Variants in H2AJ observed in about 807,000 individuals in gnomAD.
The protein encoded by H2AJ is histone H2A.J.
A neutral mutation model predicts 7.9 loss-of-function variants in H2AJ; 3 were observed. The ratio of observed to expected loss-of-function variants is 0.38; its 90% CI spans 0.17 to 0.98. H2AJ has a LOEUF of 0.98. Ranked by LOEUF, H2AJ falls within the 50% of genes least tolerant of loss-of-function variation. H2AJ has a pLI of 0.39. For synonymous variants in H2AJ, 98 were observed against 85.7 expected, an observed-to-expected ratio of 1.14 and a Z score of -0.79; for missense variants, 128 against 174.4, an observed-to-expected ratio of 0.73 and a Z score of 1.50.
Position 14,774,685 on chromosome 12 carries a change from G to C in H2AJ, c.215G>C (p.Arg72Pro). Residue 72 changes from arginine (R) to proline (P), a missense_variant, in exon 1 of 1, where the codon CGT (arginine) becomes CCT (proline). Physicochemically the swap from Arg to Pro is moderately radical, Grantham distance 103 (BLOSUM62 -2). Coordinates refer to ENST00000544848, the MANE Select transcript of H2AJ (RefSeq NM_177925.5). ...EILELAGNAARDNKKTRIIPR... is the reference protein window; with the variant it reads ...EILELAGNAAPDNKKTRIIPR... ...CTGGAGCTGGCTGGCAACGCCGCGCGTGACAACAAGAAGACCAGGATAATT... is the reference window on the plus strand; with the variant it reads ...CTGGAGCTGGCTGGCAACGCCGCGCCTGACAACAAGAAGACCAGGATAATT... 1 of 1,614,202 alleles carries C rather than the reference G, an allele frequency of 6.2e-7. No homozygotes were observed. Among genetic ancestry groups the C allele is most frequent in the Non-Finnish European group, 8.5e-7 (1 of 1,180,042 alleles).
downstream of H2AJ, chr12:14,776,729 A>G: frequency 6.0e-6 from 1 of 167,188 alleles, no homozygotes. Context: ...CATTGTTAGA[A>G]CTACTACTCA....
Position 14,774,997 on chromosome 12 carries a change from C to G in H2AJ, c.*137C>G, listed in dbSNP as rs1430383624. 3 of 996,204 alleles carry G rather than the reference C, an allele frequency of 3.0e-6. No individual in the cohort carries two copies. Among genetic ancestry groups the G allele is most frequent in the Non-Finnish European group, 1.5e-6 (1 of 680,052 alleles). 61.7% of individuals were successfully genotyped at this position (996,204 alleles called of 1,614,324 possible). A position where few individuals can be genotyped will look rare whatever the true frequency, so the allele number is the denominator to read the frequency against. Reference sequence around the variant, plus strand: ...GGGAGGTGGGCGGCGAGGGTCCCGGCGGGAGCCAATAAAGTTGGTGAAAAT... The same window carrying G: ...GGGAGGTGGGCGGCGAGGGTCCCGGGGGGAGCCAATAAAGTTGGTGAAAAT... On this transcript the variant is annotated 3_prime_UTR_variant, in exon 1 of 1. Coordinates refer to ENST00000544848, the MANE Select transcript of H2AJ (RefSeq NM_177925.5).
chr12:14,776,254 G>C (rs916848929), downstream of H2AJ: 5 of 167,076 alleles, frequency 3.0e-5, no homozygotes, highest in Admixed American at 1.3e-4. Flanking sequence ...GCCAGGCTCT[G>C]TACAAAGTGA....
At position 14,774,985 on chromosome 12, in the gene H2AJ, C is replaced by A; in HGVS notation, c.*125C>A. ...TGACATCTAGCGGGGAGGTGGGCGG[C>A]GAGGGTCCCGGCGGGAGCCAATAAA... On this transcript the variant is annotated 3_prime_UTR_variant, in exon 1 of 1. Transcript: ENST00000544848. The A allele has an allele frequency of 8.8e-7, 1 of 1,139,836 alleles. No individual in the cohort carries two copies. The highest frequency in any genetic ancestry group is 1.2e-6 in the Non-Finnish European group (1 of 807,534). The allele number at this position is 1,139,836 out of a possible 1,614,324, so 70.6% of individuals were successfully genotyped here. A position where few individuals can be genotyped will look rare whatever the true frequency, so the allele number is the denominator to read the frequency against.
chr12:14,775,003 C>G lies in H2AJ; in HGVS notation c.*143C>G. 1 of 953,434 alleles carries G rather than the reference C, an allele frequency of 1.0e-6. No homozygotes were observed. The highest frequency in any genetic ancestry group is 2.6e-5 in the East Asian group (1 of 38,240). The allele number at this position is 953,434 out of a possible 1,614,324, so 59.1% of individuals were successfully genotyped here. On this transcript the variant is annotated 3_prime_UTR_variant, in exon 1 of 1. Transcript: ENST00000544848. ...TGGGCGGCGAGGGTCCCGGCGGGAG[C>G]CAATAAAGTTGGTGAAAATCGTTTG...
downstream of H2AJ, chr12:14,775,398 A>G (rs1452276887): frequency 6.4e-6 from 3 of 471,266 alleles, no homozygotes; most frequent in Non-Finnish European, 1.3e-5. Context: ...CATATTTTTC[A>G]AAAAGTGGAG....
At position 14,774,887 on chromosome 12, in the gene H2AJ, C is replaced by G; in HGVS notation, c.*27C>G. 6.2e-7 allele frequency: 1 copy of G among 1,605,412 alleles called. No homozygotes were observed. The highest frequency in any genetic ancestry group is 8.5e-7 in the Non-Finnish European group (1 of 1,175,740). ...CCTGACGCCGCCCTCAGGGAGCTGG[C>G]TCCCCCAGCAAAGGCCCTTTTCATG... On this transcript the variant is annotated 3_prime_UTR_variant, in exon 1 of 1. Transcript: ENST00000544848.
At position 14,774,504 on chromosome 12, in the gene H2AJ, C is replaced by T; in HGVS notation, c.34C>T (p.Arg12Ter). 4.4e-6 allele frequency: 7 copies of T among 1,592,266 alleles called. No homozygotes were observed. Among genetic ancestry groups the T allele is most frequent in the Non-Finnish European group, 6.0e-6 (7 of 1,170,288 alleles). Residue 12 changes from arginine (R) to a stop codon, truncating the protein, a stop_gained, in exon 1 of 1, where the codon CGA (arginine) becomes TGA (stop). Coordinates refer to ENST00000544848, the MANE Select transcript of H2AJ (RefSeq NM_177925.5). LOFTEE classifies it high-confidence loss of function. ...SGRGKQGGKV[R>*]AKAKSRSSRA... ...TCGCGGGAAACAGGGCGGCAAAGTGCGAGCAAAGGCCAAATCCCGCTCCTC... is the reference window on the plus strand; with the variant it reads ...TCGCGGGAAACAGGGCGGCAAAGTGTGAGCAAAGGCCAAATCCCGCTCCTC...
At chr12:14,775,565 T>C (rs1949628183), downstream of H2AJ, 1 of 380,528 alleles carries the variant, frequency 2.6e-6, no homozygotes, top group African/African-American at 2.1e-5. Context: ...AAACGTTCAA[T>C]AAGTGAGTCA....
At chr12:14,777,589 T>G (rs953519321), downstream of H2AJ, 2 of 167,076 alleles carry the variant, frequency 1.2e-5, no homozygotes, top group Admixed American at 1.3e-4. Context: ...TACCATGCTG[T>G]GTAAGAACTT....
chr12:14,776,415 T>G (rs965496754), downstream of H2AJ: 4 of 167,134 alleles, frequency 2.4e-5, no homozygotes, highest in African/African-American at 9.6e-5. Context: ...CTCTGCTGTG[T>G]GTGGATGAAT....
Position 14,775,014 on chromosome 12 carries a change from G to C in H2AJ, c.*154G>C. The C allele has an allele frequency of 3.4e-6, 3 of 887,450 alleles. No individual in the cohort carries two copies. Among genetic ancestry groups the C allele is most frequent in the Non-Finnish European group, 5.1e-6 (3 of 584,012 alleles). 55.0% of individuals were successfully genotyped at this position (887,450 alleles called of 1,614,324 possible). On this transcript the variant is annotated 3_prime_UTR_variant, in exon 1 of 1. Transcript: ENST00000544848. ...GGTCCCGGCGGGAGCCAATAAAGTT[G>C]GTGAAAATCGTTTGGTCGAGAGAGC...
At position 14,774,612 on chromosome 12, in the gene H2AJ, G is replaced by T; in HGVS notation, c.142G>T (p.Ala48Ser). The part of the protein sequence containing the change: ...GNYAERVGAG[A>S]PVYLAAVLEY... ...CTACGCGGAGCGAGTGGGCGCCGGG[G>T]CGCCGGTGTACCTGGCGGCGGTGTT... The change falls in exon 1 of 1, where the codon GCG (alanine) becomes TCG (serine). Residue 48 changes from alanine (A) to serine (S), a missense_variant. By Grantham distance (99) the Ala-to-Ser change is moderately conservative. Coordinates refer to ENST00000544848, the MANE Select transcript of H2AJ (RefSeq NM_177925.5). 6.2e-7 allele frequency: 1 copy of T among 1,614,040 alleles called. No individual in the cohort carries two copies. Among genetic ancestry groups the T allele is most frequent in the Non-Finnish European group, 8.5e-7 (1 of 1,179,980 alleles).
In H2AJ at chr12:14,774,901, G is replaced by T; in HGVS notation, c.*41G>T. Reference sequence around the variant, plus strand: ...CAGGGAGCTGGCTCCCCCAGCAAAGGCCCTTTTCATGGTCGTCCCGCAATG... The same window carrying T: ...CAGGGAGCTGGCTCCCCCAGCAAAGTCCCTTTTCATGGTCGTCCCGCAATG... On this transcript the variant is annotated 3_prime_UTR_variant, in exon 1 of 1. Transcript: ENST00000544848. 1 of 1,591,634 alleles carries T rather than the reference G, an allele frequency of 6.3e-7. No individual in the cohort carries two copies. The highest frequency in any genetic ancestry group is 8.6e-7 in the Non-Finnish European group (1 of 1,169,106).
At chr12:14,775,463 T>C (rs1320798723), downstream of H2AJ, 2 of 470,934 alleles carry the variant, frequency 4.2e-6, no homozygotes, top group African/African-American at 4.0e-5. Context: ...CTTGAGATTC[T>C]TCCTAGCCTA....
Position 14,774,715 on chromosome 12 carries a change from G to C in H2AJ, c.245G>C (p.Arg82Pro). The C allele has an allele frequency of 5.6e-6, 9 of 1,614,192 alleles. No homozygotes were observed. Among genetic ancestry groups the C allele is most frequent in the Non-Finnish European group, 7.6e-6 (9 of 1,180,034 alleles). Residue 82 changes from arginine (R) to proline (P), a missense_variant, in exon 1 of 1, where the codon CGC (arginine) becomes CCC (proline). Physicochemically the swap from Arg to Pro is moderately radical, Grantham distance 103. Transcript: ENST00000544848. ...AACAAGAAGACCAGGATAATTCCCC[G>C]CCACCTGCAGCTCGCCATCCGCAAC... Reference protein sequence around the residue: ...RDNKKTRIIPRHLQLAIRNDE... With the variant: ...RDNKKTRIIPPHLQLAIRNDE...
Position 14,774,476 on chromosome 12 carries a change from C to A in H2AJ, c.6C>A (p.Ser2=). ...GTTGTAGGCGAGAGGTGATCATGTC[C>A]GGTCGCGGGAAACAGGGCGGCAAAG... M[S]GRGKQGGKVR... Residue 2 remains serine, a synonymous_variant, in exon 1 of 1, where the codon TCC becomes TCA. Transcript: ENST00000544848. 6.4e-7 allele frequency: 1 copy of A among 1,565,354 alleles called. No individual in the cohort carries two copies. Among genetic ancestry groups the A allele is most frequent in the Non-Finnish European group, 8.6e-7 (1 of 1,157,556 alleles).
At chr12:14,775,737 G>A, downstream of H2AJ, 1 of 237,650 alleles carries the variant, frequency 4.2e-6, no homozygotes, top group Non-Finnish European at 9.1e-6. Flanking sequence ...GAATCGGTTT[G>A]ACTTTGCTTT....
At chr12:14,777,417 G>A (rs1949655515), downstream of H2AJ, 1 of 166,960 alleles carries the variant, frequency 6.0e-6, no homozygotes, top group African/African-American at 2.4e-5. Context: ...TTTGATCTTT[G>A]TTTTTCCTGC....
Sources: gnomAD v4.1 joint callset for allele counts on GRCh38, gnomAD v4.1.1 for gene constraint, MANE v1.5 for transcripts, NCBI Gene and HGNC (gene_info 2026-07-23, HGNC 2026-07-21) for gene names.